The following NTRK3 variants were observed in gnomAD, a reference collection of about 807,000 sequenced individuals.
NTRK3 encodes the protein NT-3 growth factor receptor.
NTRK3 carries 24 observed loss-of-function variants against 91.7 expected under a neutral mutation model. The ratio of observed to expected loss-of-function variants is 0.26; its 90% CI spans 0.19 to 0.37. The LOEUF (loss-of-function observed/expected upper bound fraction) is 0.37. Ranked by LOEUF, NTRK3 falls within the 10% of genes least tolerant of loss-of-function variation. NTRK3 has a pLI of 1.00. For missense variants in NTRK3, 880 were observed against 1,068.9 expected, an observed-to-expected ratio of 0.82 and a Z score of 2.46; for synonymous variants, 483 against 404.0, an observed-to-expected ratio of 1.20 and a Z score of -2.34.
intron 5 of NTRK3, among the ~76,000 whole-genome samples, chr15:88,150,611 A>G (rs1465000494): frequency 6.6e-6 from 1 of 152,034 alleles, no homozygotes; most frequent in Non-Finnish European, 1.5e-5. Context: ...ATCTGCCCAC[A>G]GACACAGACA....
At chr15:88,197,094 C>CAG (rs1782353276) in intron 3 of NTRK3, among the ~76,000 whole-genome samples, 2 of 56,584 alleles carry the variant, frequency 3.5e-5, no homozygotes, top group South Asian at 1.3e-3. Flanking sequence ...TTGAGCAGGA[C>CAG]AAAAAAAAAA....
chr15:88,205,544 TC>T (rs1398241666), intron 3 of NTRK3, among the ~76,000 whole-genome samples: 1 of 152,060 alleles, frequency 6.6e-6, no homozygotes, highest in Non-Finnish European at 1.5e-5. Flanking sequence ...TGGTATATCA[TC>T]CTAGGGATAC....
chr15:88,220,440 C>G (rs2050144904), intron 3 of NTRK3, among the ~76,000 whole-genome samples: 1 of 152,146 alleles, frequency 6.6e-6, no homozygotes, highest in East Asian at 1.9e-4. Context: ...CTTGCAGGTA[C>G]AGATGGGAGT....
At chr15:88,227,429 T>G (rs1054983712) in intron 3 of NTRK3, among the ~76,000 whole-genome samples, 1 of 152,140 alleles carries the variant, frequency 6.6e-6, no homozygotes, top group African/African-American at 2.4e-5. Context: ...AATGAGGTCA[T>G]TAGGATGGGC....
chr15:88,203,578 G>C (rs1035100925), intron 3 of NTRK3, among the ~76,000 whole-genome samples: 24 of 152,224 alleles, frequency 1.6e-4, no homozygotes, highest in African/African-American at 5.5e-4. Flanking sequence ...GTTGATTATT[G>C]GGTATGGATA....
At chr15:87,935,027 CTG>C (rs1332156382) in intron 15 of NTRK3, among the ~76,000 whole-genome samples, 3 of 152,176 alleles carry the variant, frequency 2.0e-5, no homozygotes, top group East Asian at 1.9e-4. Context: ...GATGAGATAA[CTG>C]GGGTTCAGGA....
At chr15:87,933,862 G>A (rs1382343919) in intron 15 of NTRK3, among the ~76,000 whole-genome samples, 1 of 152,178 alleles carries the variant, frequency 6.6e-6, no homozygotes, top group Non-Finnish European at 1.5e-5. Flanking sequence ...CTCAGGGCCA[G>A]GCAGAGTCCT....
chr15:88,136,647 C>T (rs2041904569), intron 7 of NTRK3, 38 bp from the exon 8 acceptor site: 1 of 1,601,296 alleles, frequency 6.2e-7, no homozygotes. Context: ...GACAGGCAAA[C>T]ACTTACTACC....
intron 14 of NTRK3, among the ~76,000 whole-genome samples, chr15:87,943,528 A>G (rs554276031): frequency 1.6e-4 from 25 of 152,248 alleles, no homozygotes; most frequent in African/African-American, 6.0e-4. Flanking sequence ...CCCTAAGTAC[A>G]ACTCTGGGCT....
At chr15:87,954,909 T>A (rs2071505536) in intron 14 of NTRK3, among the ~76,000 whole-genome samples, 1 of 152,228 alleles carries the variant, frequency 6.6e-6, no homozygotes, top group Non-Finnish European at 1.5e-5. Context: ...CATGCACAAG[T>A]AGCACAATTC....
chr15:87,860,548 A>C (rs1384468265), exon 19 of NTRK3: 2 of 202,374 alleles, frequency 9.9e-6, no homozygotes, highest in Non-Finnish European at 2.0e-5. Flanking sequence ...CCTCTTCTCC[A>C]AAGGCAAATG....
intron 3 of NTRK3, among the ~76,000 whole-genome samples, chr15:88,207,749 G>GCTA (rs756758957): frequency 2.7e-4 from 41 of 152,142 alleles, no homozygotes; most frequent in Non-Finnish European, 5.3e-4. Context: ...GCTTCCCGGA[G>GCTA]CTATCATCAG....
At chr15:88,056,873 C>T (rs2045742863) in intron 13 of NTRK3, among the ~76,000 whole-genome samples, 1 of 152,200 alleles carries the variant, frequency 6.6e-6, no homozygotes, top group African/African-American at 2.4e-5. Flanking sequence ...GTATCAAGAA[C>T]ACAAAGAAAT....
intron 17 of NTRK3, among the ~76,000 whole-genome samples, chr15:87,906,016 C>T (rs1031863338): frequency 1.3e-5 from 2 of 152,310 alleles, no homozygotes; most frequent in Non-Finnish European, 2.9e-5. Context: ...GCAAATCAGC[C>T]CACACATGGG....
chr15:87,914,901 T>C (rs147517290), intron 17 of NTRK3, among the ~76,000 whole-genome samples: 55 of 152,354 alleles, frequency 3.6e-4, no homozygotes, highest in African/African-American at 1.2e-3. Flanking sequence ...CTTTGGAACA[T>C]TGATGGATTC....
At chr15:88,135,063 G>C (rs772755114) in intron 10 of NTRK3, 38 bp downstream of exon 10, 1 of 1,611,796 alleles carries the variant, frequency 6.2e-7, no homozygotes, top group African/African-American at 1.3e-5. Context: ...CTTGTAGAAA[G>C]AATCCATACA....
intron 3 of NTRK3, among the ~76,000 whole-genome samples, chr15:88,191,311 C>T (rs1229370215): frequency 6.6e-6 from 1 of 152,070 alleles, no homozygotes; most frequent in Non-Finnish European, 1.5e-5. Flanking sequence ...CCTCAGCCTA[C>T]CGAGTAGCTG....
At chr15:87,994,391 G>A (rs900480934) in intron 14 of NTRK3, among the ~76,000 whole-genome samples, 3 of 152,194 alleles carry the variant, frequency 2.0e-5, no homozygotes, top group Non-Finnish European at 4.4e-5. Context: ...AAGGAAAAAT[G>A]TGAACACAGA....
chr15:88,226,112 C>A (rs2050650867), intron 3 of NTRK3, among the ~76,000 whole-genome samples: 1 of 152,216 alleles, frequency 6.6e-6, no homozygotes. Flanking sequence ...GGCAAGTCCT[C>A]TTCCTTTCAG....
Sources: gnomAD v4.1 joint callset for allele counts (sites outside exome capture counted in the v4.1 genomes callset) on GRCh38, gnomAD v4.1.1 for gene constraint, MANE v1.5 for transcripts, NCBI Gene and HGNC (gene_info 2026-07-23, HGNC 2026-07-21) for gene names.